EIF4EBP1: variants seen among roughly 807,000 people sequenced by gnomAD.
EIF4EBP1 encodes eukaryotic translation initiation factor 4E-binding protein 1.
A neutral mutation model predicts 9.2 loss-of-function variants in EIF4EBP1; 5 were observed. The observed-to-expected ratio is 0.54, with a 90% CI of 0.28 to 1.14. The LOEUF is 1.14. EIF4EBP1 is among the 50% of genes most tolerant of loss of function. EIF4EBP1 has a pLI of 0.09. For synonymous variants in EIF4EBP1, 62 were observed against 67.0 expected (o/e 0.93, Z 0.36); for missense variants, 139 against 169.6 (o/e 0.82, Z 1.00).
chr8:38,047,716 C>G (rs937560040), intron 1 of EIF4EBP1, among the ~76,000 whole-genome samples: 3 of 152,208 alleles, frequency 2.0e-5, no homozygotes, highest in African/African-American at 7.2e-5. Context: ...AACTCCTGAC[C>G]TCAGGTGATC....
intron 2 of EIF4EBP1, among the ~76,000 whole-genome samples, chr8:38,057,582 A>G (rs137904848): frequency 6.6e-6 from 1 of 152,280 alleles, no homozygotes; most frequent in East Asian, 1.9e-4. Context: ...CCTCTGTATA[A>G]TTGTCTCTGA....
intron 2 of EIF4EBP1, among the ~76,000 whole-genome samples, chr8:38,057,905 G>T (rs943999847): frequency 6.6e-6 from 1 of 152,168 alleles, no homozygotes; most frequent in Non-Finnish European, 1.5e-5. Context: ...TGACTGGCTT[G>T]GCAGAGTGTT....
chr8:38,055,087 G>C (rs1809578618), intron 1 of EIF4EBP1, among the ~76,000 whole-genome samples: 1 of 152,184 alleles, frequency 6.6e-6, no homozygotes. Flanking sequence ...ACCAGTGACT[G>C]CCTGGAGGGG....
intron 1 of EIF4EBP1, among the ~76,000 whole-genome samples, chr8:38,045,907 T>TC (rs1430599407): frequency 1.4e-5 from 2 of 140,508 alleles, no homozygotes; most frequent in Admixed American, 1.6e-4. Context: ...CCTGACTAAT[T>TC]TTTTTTTTGT....
At chr8:38,046,737 A>T (rs968649165) in intron 1 of EIF4EBP1, among the ~76,000 whole-genome samples, 1 of 152,194 alleles carries the variant, frequency 6.6e-6, no homozygotes, top group Non-Finnish European at 1.5e-5. Context: ...AAACTGAGGC[A>T]CAAAGATTTT....
At chr8:38,041,933 G>A (rs539686555) in intron 1 of EIF4EBP1, among the ~76,000 whole-genome samples, 10 of 152,076 alleles carry the variant, frequency 6.6e-5, no homozygotes, top group Admixed American at 3.3e-4. Context: ...TTGAGGTTAC[G>A]GTGAGCTATG....
At chr8:38,046,252 G>T (rs1809447905) in intron 1 of EIF4EBP1, among the ~76,000 whole-genome samples, 1 of 151,946 alleles carries the variant, frequency 6.6e-6, no homozygotes, top group Non-Finnish European at 1.5e-5. Flanking sequence ...ATCGTGCTTT[G>T]TTACCCATGC....
At chr8:38,030,764 G>A (rs1360969868) in intron 1 of EIF4EBP1, 46 bp downstream of exon 1, 1 of 1,373,996 alleles carries the variant, frequency 7.3e-7, no homozygotes, top group Non-Finnish European at 9.3e-7. Context: ...CTGGGCGGGC[G>A]GGAGGATCGG....
In EIF4EBP1 at chr8:38,057,259, C is replaced by T. The variant is rs781428388; in HGVS notation, c.324C>T (p.Gly108=). Residue 108 remains glycine, a splice_region_variant and synonymous_variant, in exon 2 of 3, where the codon GGC becomes GGT. Coordinates refer to ENST00000338825, the MANE Select transcript of EIF4EBP1 (RefSeq NM_004095.4). Reference sequence around the variant, plus strand: ...ATAGCCCAGAAGATAAGCGGGCGGGCGGTGAGTGTCGGGGCTTGGCCAGGC... The same window carrying T: ...ATAGCCCAGAAGATAAGCGGGCGGGTGGTGAGTGTCGGGGCTTGGCCAGGC... The part of the protein sequence containing the change: ...LRNSPEDKRA[G]GEESQFEMDI 1.7e-5 allele frequency: 27 copies of T among 1,601,974 alleles called. No homozygotes were observed. Among genetic ancestry groups the T allele is most frequent in the African/African-American group, 8.0e-5 (6 of 74,626 alleles).
At position 38,030,553 on chromosome 8, in the gene EIF4EBP1, G is replaced by A. The variant is rs1300128399; in HGVS notation, c.-21G>A. On this transcript the variant is annotated 5_prime_UTR_variant, in exon 1 of 3. Coordinates refer to ENST00000338825, the MANE Select transcript of EIF4EBP1 (RefSeq NM_004095.4). ...CGCGGGAGGGCAGCGAGAGGTTCGC[G>A]GGTGCAGCGCACAGGAGACCATGTC... 6.7e-7 allele frequency: 1 copy of A among 1,495,534 alleles called. No homozygotes were observed. 92.6% of individuals were successfully genotyped at this position (1,495,534 alleles called of 1,614,324 possible).
Position 38,060,050 on chromosome 8 carries a change from T to TGTCCGACCCCA in EIF4EBP1, c.*115_*116insGTCCGACCCCA. The TGTCCGACCCCA allele has an allele frequency of 1.1e-6, 1 of 943,822 alleles. No homozygotes were observed. Among genetic ancestry groups the TGTCCGACCCCA allele is most frequent in the Non-Finnish European group, 1.6e-6 (1 of 625,752 alleles). 58.5% of individuals were successfully genotyped at this position (943,822 alleles called of 1,614,324 possible). A position where few individuals can be genotyped will look rare whatever the true frequency, so the allele number is the denominator to read the frequency against. On this transcript the variant is annotated 3_prime_UTR_variant, in exon 3 of 3. Coordinates refer to ENST00000338825, the MANE Select transcript of EIF4EBP1 (RefSeq NM_004095.4). ...ATACTGGGCAGGCGTTGGCGTGGGG[T>TGTCCGACCCCA]CGGACACCCCAGCCCTTTCTCCCTC...
At chr8:38,041,621 A>G (rs992650475) in intron 1 of EIF4EBP1, among the ~76,000 whole-genome samples, 25 of 152,284 alleles carry the variant, frequency 1.6e-4, no homozygotes, top group African/African-American at 6.0e-4. Flanking sequence ...TTAAAGAACA[A>G]AGGACACCTT....
intron 1 of EIF4EBP1, among the ~76,000 whole-genome samples, chr8:38,042,384 G>T (rs1809394343): frequency 6.6e-6 from 1 of 152,212 alleles, no homozygotes; most frequent in Admixed American, 6.6e-5. Context: ...GGTGTAAACA[G>T]ATTTCTCTCT....
At chr8:38,049,243 A>T (rs1257603713) in intron 1 of EIF4EBP1, among the ~76,000 whole-genome samples, 1 of 152,106 alleles carries the variant, frequency 6.6e-6, no homozygotes, top group Non-Finnish European at 1.5e-5. Context: ...TCAGATTGTG[A>T]AGGCGTCAAG....
At chr8:38,048,357 A>C (rs969817210) in intron 1 of EIF4EBP1, among the ~76,000 whole-genome samples, 6 of 152,148 alleles carry the variant, frequency 3.9e-5, no homozygotes, top group Non-Finnish European at 1.5e-5. Context: ...ACTATCTATA[A>C]TAATAGCATT....
chr8:38,040,991 G>C (rs762850382), intron 1 of EIF4EBP1, among the ~76,000 whole-genome samples: 1 of 152,118 alleles, frequency 6.6e-6, no homozygotes, highest in Non-Finnish European at 1.5e-5. Flanking sequence ...GTAGAGACAG[G>C]GTTTTACCAT....
Position 38,057,116 on chromosome 8 carries a change from G to C in EIF4EBP1, c.181G>C (p.Glu61Gln). The change falls in exon 2 of 3, where the codon GAG (glutamate) becomes CAG (glutamine). Residue 61 changes from glutamate to glutamine, a missense_variant. By Grantham distance (29) the Glu-to-Gln change is conservative. Coordinates refer to ENST00000338825, the MANE Select transcript of EIF4EBP1 (RefSeq NM_004095.4). ...RIIYDRKFLM[E>Q]CRNSPVTKTP... is the part of the protein sequence containing the mutation. ...CATCTATGACCGGAAATTCCTGATG[G>C]AGTGTCGGAACTCACCTGTGACCAA... The C allele has an allele frequency of 6.2e-7, 1 of 1,614,180 alleles. No individual in the cohort carries two copies. Among genetic ancestry groups the C allele is most frequent in the Non-Finnish European group, 8.5e-7 (1 of 1,180,028 alleles).
chr8:38,057,205 C>G lies in EIF4EBP1; in HGVS notation c.270C>G (p.Pro90=). ...CCAGCCCTTCCAGTGATGAGCCCCCCATGGAAGCCAGCCAGAGCCACCTGC... is the reference window on the plus strand; with the variant it reads ...CCAGCCCTTCCAGTGATGAGCCCCCGATGGAAGCCAGCCAGAGCCACCTGC... ...GVTSPSSDEP[P]MEASQSHLRN... Residue 90 remains proline, a synonymous_variant, in exon 2 of 3, where the codon CCC becomes CCG. Transcript: ENST00000338825. 6.4e-7 allele frequency: 1 copy of G among 1,559,364 alleles called. No individual in the cohort carries two copies. The highest frequency in any genetic ancestry group is 8.7e-7 in the Non-Finnish European group (1 of 1,153,030).
At chr8:38,057,059 C>T in intron 1 of EIF4EBP1, 22 bp from the exon 2 acceptor site, 2 of 1,613,892 alleles carry the variant, frequency 1.2e-6, no homozygotes, top group Middle Eastern at 1.7e-4. Context: ...ATGGCTTGAC[C>T]AACCTCCCTG....
Sources: allele counts gnomAD v4.1 joint callset (sites outside exome capture counted in the v4.1 genomes callset), GRCh38; gene constraint gnomAD v4.1.1; transcripts MANE v1.5; gene names NCBI Gene and HGNC (gene_info 2026-07-23, HGNC 2026-07-21).